DNAJC1: variants seen among roughly 807,000 people sequenced by gnomAD.
DNAJC1 encodes dnaJ homolog subfamily C member 1.
Under a neutral mutation model 76.6 loss-of-function variants are expected in DNAJC1, and 58 were observed. The ratio of observed to expected loss-of-function variants is 0.76; its 90% CI spans 0.61 to 0.94. DNAJC1 has a LOEUF of 0.94. Ranked by LOEUF, DNAJC1 falls within the 40% of genes least tolerant of loss-of-function variation. The pLI is 0.00. For synonymous variants in DNAJC1, 258 were observed against 267.9 expected (o/e 0.96, Z 0.36); for missense variants, 689 against 677.3 (o/e 1.02, Z -0.19).
At chr10:21,968,334 T>C (rs1220191128) in intron 1 of DNAJC1, among the ~76,000 whole-genome samples, 4 of 152,286 alleles carry the variant, frequency 2.6e-5, no homozygotes, top group Admixed American at 6.5e-5. Flanking sequence ...AATCACCTTA[T>C]AAGATAAGGG....
intron 8 of DNAJC1, among the ~76,000 whole-genome samples, chr10:21,827,139 C>T (rs1002760848): frequency 3.3e-5 from 5 of 152,024 alleles, no homozygotes; most frequent in Admixed American, 6.6e-5. Flanking sequence ...AATGTTTGGA[C>T]GTTTTCAGTG....
intron 8 of DNAJC1, among the ~76,000 whole-genome samples, chr10:21,846,581 A>C (rs1158164868): frequency 6.6e-6 from 1 of 152,206 alleles, no homozygotes; most frequent in Admixed American, 6.5e-5. Context: ...CTACCATTAA[A>C]ACTTTTTAAA....
intron 1 of DNAJC1, among the ~76,000 whole-genome samples, chr10:21,974,290 G>C (rs935913120): frequency 4.9e-4 from 75 of 152,198 alleles, no homozygotes; most frequent in Middle Eastern, 3.4e-3. Flanking sequence ...GTAGAAGTCT[G>C]ACTAGAATGT....
intron 8 of DNAJC1, among the ~76,000 whole-genome samples, chr10:21,854,469 T>A (rs544358078): frequency 2.3e-4 from 35 of 152,222 alleles, no homozygotes; most frequent in Non-Finnish European, 4.3e-4. Flanking sequence ...ATAATTTCCT[T>A]ACCTCTACAA....
chr10:21,988,537 A>G (rs1838282403), intron 1 of DNAJC1, among the ~76,000 whole-genome samples: 1 of 152,138 alleles, frequency 6.6e-6, no homozygotes, highest in South Asian at 2.1e-4. Context: ...CCAAATGTGT[A>G]CTCTATAAAC....
At chr10:21,825,405 G>A (rs1042227557) in intron 8 of DNAJC1, among the ~76,000 whole-genome samples, 1 of 152,148 alleles carries the variant, frequency 6.6e-6, no homozygotes, top group Non-Finnish European at 1.5e-5. Flanking sequence ...TCCGTTGTAT[G>A]TATATAGCAT....
chr10:21,929,012 T>C (rs1284609367), intron 2 of DNAJC1, 28 bp downstream of exon 2: 1 of 1,342,386 alleles, frequency 7.4e-7, no homozygotes, highest in African/African-American at 1.5e-5. Context: ...TGTCACAAAA[T>C]ATATATATAA....
intron 8 of DNAJC1, among the ~76,000 whole-genome samples, chr10:21,875,183 A>G (rs892422123): frequency 2.0e-5 from 3 of 152,028 alleles, no homozygotes; most frequent in Middle Eastern, 3.4e-3. Flanking sequence ...GCCCAGCGAG[A>G]AAAGTTTTTT....
chr10:21,772,774 A>T (rs1316016185), intron 9 of DNAJC1, among the ~76,000 whole-genome samples: 1 of 152,112 alleles, frequency 6.6e-6, no homozygotes, highest in Non-Finnish European at 1.5e-5. Context: ...CATGGCTATA[A>T]AGAAATGCCT....
rs1045591644 is a variant in DNAJC1, at chr10:22,003,501, G to T, written c.-67C>A. ...GGCCGAGAGCTGGGACGTGGCGGGC[G>T]GCGCTGGCTGTGGGGAACAGCGCCT... On this transcript the variant is annotated 5_prime_UTR_variant, in exon 1 of 12. Transcript: ENST00000376980. 6.9e-6 allele frequency: 9 copies of T among 1,301,580 alleles called. No individual in the cohort carries two copies. The African/African-American group carries it at 1.2e-4, about 18-fold the overall frequency. The allele number at this position is 1,301,580 out of a possible 1,614,324, so 80.6% of individuals were successfully genotyped here.
chr10:21,940,086 A>G (rs2131795209), intron 1 of DNAJC1, among the ~76,000 whole-genome samples: 1 of 152,266 alleles, frequency 6.6e-6, no homozygotes. Context: ...TAAGGCAGGA[A>G]ACTTGGATTC....
At chr10:21,853,532 A>C (rs1038988532) in intron 8 of DNAJC1, among the ~76,000 whole-genome samples, 1 of 152,074 alleles carries the variant, frequency 6.6e-6, no homozygotes, top group Non-Finnish European at 1.5e-5. Flanking sequence ...CGGTAAAAAA[A>C]GTTATTTCCT....
chr10:21,792,711 A>C (rs1456153734), intron 9 of DNAJC1, among the ~76,000 whole-genome samples: 3 of 150,650 alleles, frequency 2.0e-5, no homozygotes, highest in Non-Finnish European at 2.9e-5. Flanking sequence ...GTGAGCTGAG[A>C]TCGTGCCACT....
intron 9 of DNAJC1, chr10:21,785,719 T>C (rs1426750623): frequency 6.6e-6 from 1 of 152,142 alleles, no homozygotes; most frequent in East Asian, 1.9e-4. Context: ...CAAAGTACTC[T>C]GTTGAACACA....
chr10:21,799,022 G>A (rs527655216), intron 9 of DNAJC1, among the ~76,000 whole-genome samples: 6 of 152,268 alleles, frequency 3.9e-5, no homozygotes, highest in African/African-American at 1.2e-4. Flanking sequence ...AAGAAGGAGA[G>A]AACTTACTTT....
At chr10:21,980,568 C>A (rs905274391) in intron 1 of DNAJC1, among the ~76,000 whole-genome samples, 2 of 152,042 alleles carry the variant, frequency 1.3e-5, no homozygotes, top group Admixed American at 6.6e-5. Flanking sequence ...TGAGATAAAA[C>A]AACTAAATGT....
In DNAJC1 at chr10:21,867,843, G is replaced by A. The variant is rs1034391689; in HGVS notation, c.978+14439C>T. Among the ~76,000 whole-genome samples, 65 of 151,846 alleles carry A rather than the reference G, an allele frequency of 4.3e-4. 1 individual carries two copies. Among genetic ancestry groups the A allele is most frequent in the Non-Finnish European group, 7.1e-4 (48 of 67,952 alleles). On this transcript the variant is annotated intron_variant, in intron 8 of 11. Transcript: ENST00000376980. ...TCCCAGCACTTTGGGAGGCCGAGGCGGGCAGATCACCTGAGGTCAGGAGTT... is the reference window on the plus strand; with the variant it reads ...TCCCAGCACTTTGGGAGGCCGAGGCAGGCAGATCACCTGAGGTCAGGAGTT...
chr10:21,892,359 A>G (rs1441941835), intron 7 of DNAJC1, among the ~76,000 whole-genome samples: 1 of 138,508 alleles, frequency 7.2e-6, no homozygotes, highest in African/African-American at 2.8e-5. Flanking sequence ...TCTATTTAAC[A>G]CACACACACA....
At chr10:21,936,302 G>A (rs1837311062) in intron 1 of DNAJC1, among the ~76,000 whole-genome samples, 1 of 152,136 alleles carries the variant, frequency 6.6e-6, no homozygotes, top group South Asian at 2.1e-4. Flanking sequence ...CTAGAACCGT[G>A]AGCAACAAAT....
Sources: allele counts gnomAD v4.1 joint callset (sites outside exome capture counted in the v4.1 genomes callset), GRCh38; gene constraint gnomAD v4.1.1; transcripts MANE v1.5; gene names NCBI Gene and HGNC (gene_info 2026-07-23, HGNC 2026-07-21).